Variants in CLASP2 observed in about 807,000 individuals in gnomAD.
CLASP2 encodes the protein cytoplasmic linker associated protein 2.
In CLASP2, 47 loss-of-function variants were observed where a neutral mutation model predicts 194.4. The observed-to-expected ratio is 0.24, with a 90% confidence interval of 0.19 to 0.31. The LOEUF is 0.31. Among genes scored for constraint, CLASP2 ranks in the 10% least tolerant of loss-of-function variants. The pLI is 1.00. For synonymous variants in CLASP2, 619 were observed against 633.5 expected (o/e 0.98, Z 0.34); for missense variants, 1,445 against 1,823.6 (o/e 0.79, Z 3.78).
chr3:33,589,628 T>A (rs1295697825), intron 21 of CLASP2, among the ~76,000 whole-genome samples: 1 of 152,126 alleles, frequency 6.6e-6, no homozygotes, highest in Non-Finnish European at 1.5e-5. Context: ...GGGAAAGTCT[T>A]CTAATCTTAA....
chr3:33,714,017 A>G (rs1399746005), intron 1 of CLASP2, among the ~76,000 whole-genome samples: 2 of 152,176 alleles, frequency 1.3e-5, no homozygotes, highest in African/African-American at 2.4e-5. Flanking sequence ...TCACTAATTT[A>G]CCAGGTCTAT....
At chr3:33,616,413 G>A (rs2154271359) in intron 12 of CLASP2, among the ~76,000 whole-genome samples, 1 of 152,120 alleles carries the variant, frequency 6.6e-6, no homozygotes, top group Non-Finnish European at 1.5e-5. Context: ...TTAAATGAAT[G>A]CCAAAATCTT....
At chr3:33,708,998 G>A (rs910292090) in intron 1 of CLASP2, among the ~76,000 whole-genome samples, 2 of 152,110 alleles carry the variant, frequency 1.3e-5, no homozygotes, top group Non-Finnish European at 2.9e-5. Context: ...ATACGTTTTG[G>A]ATATTAAACC....
Position 33,644,867 on chromosome 3 carries a change from T to C in CLASP2, c.752A>G (p.Asn251Ser). 6.2e-7 allele frequency: 1 copy of C among 1,607,168 alleles called. No homozygotes were observed. The highest frequency in any genetic ancestry group is 8.5e-7 in the Non-Finnish European group (1 of 1,176,354). Residue 251 changes from asparagine (N) to serine (S), a missense_variant, in exon 8 of 39, where the codon AAT becomes AGT. This residue lies in a region of CLASP2 where 332 missense variants were observed against 325.3 expected (regional missense o/e 1.02). Transcript: ENST00000682230. ...SFDDEESVDG[N>S]RPSSAASAFK... The stretch of plus-strand genomic sequence containing the variant: ...GGCTGATGCAGCTGATGATGGCCTA[T>C]TTCCATCCACTGATTCTTCATCATC...
At chr3:33,540,970 G>C (rs1472562974) in intron 32 of CLASP2, among the ~76,000 whole-genome samples, 3 of 151,818 alleles carry the variant, frequency 2.0e-5, no homozygotes, top group Non-Finnish European at 2.9e-5. Flanking sequence ...ATGGGGTTTT[G>C]CCATGTTGGT....
chr3:33,624,433 T>C (rs2077640200), intron 10 of CLASP2, among the ~76,000 whole-genome samples: 1 of 151,996 alleles, frequency 6.6e-6, no homozygotes, highest in South Asian at 2.1e-4. Flanking sequence ...TATGGTAGGA[T>C]AAAATTACCT....
At chr3:33,604,961 C>T (rs1302567747) in intron 16 of CLASP2, among the ~76,000 whole-genome samples, 3 of 152,184 alleles carry the variant, frequency 2.0e-5, no homozygotes, top group Admixed American at 6.5e-5. Context: ...TTGTAATGTC[C>T]GTGTAATGTT....
chr3:33,691,538 G>C (rs1313625903), intron 2 of CLASP2, among the ~76,000 whole-genome samples: 1 of 152,094 alleles, frequency 6.6e-6, no homozygotes, highest in Non-Finnish European at 1.5e-5. Context: ...CTCAACATAA[G>C]AATCATAAGT....
intron 12 of CLASP2, among the ~76,000 whole-genome samples, chr3:33,617,936 T>TAC (rs1488254617): frequency 9.7e-4 from 117 of 120,538 alleles, no homozygotes; most frequent in Non-Finnish European, 1.6e-3. Context: ...ATTATTATTA[T>TAC]ATATATATAT....
At chr3:33,674,923 G>T (rs377268431) in intron 6 of CLASP2, among the ~76,000 whole-genome samples, 5 of 152,148 alleles carry the variant, frequency 3.3e-5, no homozygotes, top group East Asian at 1.9e-4. Context: ...AATAACAGGA[G>T]CTGAAATTGT....
At chr3:33,715,530 C>T (rs1482684370) in intron 1 of CLASP2, among the ~76,000 whole-genome samples, 2 of 152,048 alleles carry the variant, frequency 1.3e-5, no homozygotes, top group Non-Finnish European at 2.9e-5. Context: ...CACATTGTAT[C>T]TGCAATGCCT....
At chr3:33,591,389 G>T (rs534767701) in intron 21 of CLASP2, among the ~76,000 whole-genome samples, 49 of 152,308 alleles carry the variant, frequency 3.2e-4, no homozygotes, top group Non-Finnish European at 6.0e-4. Context: ...GAGGTGGGAG[G>T]ATTGCGTGAG....
chr3:33,586,852 G>T (rs1307018441), intron 21 of CLASP2, among the ~76,000 whole-genome samples: 1 of 152,068 alleles, frequency 6.6e-6, no homozygotes, highest in Non-Finnish European at 1.5e-5. Flanking sequence ...AATGGGACAA[G>T]CACAGGATGT....
chr3:33,641,903 G>C (rs1296472777), intron 8 of CLASP2, among the ~76,000 whole-genome samples: 1 of 151,678 alleles, frequency 6.6e-6, no homozygotes, highest in African/African-American at 2.4e-5. Context: ...ATATACCTCG[G>C]AGTAGCAAAT....
intron 7 of CLASP2, among the ~76,000 whole-genome samples, chr3:33,646,644 A>G (rs2082329118): frequency 6.6e-6 from 1 of 152,222 alleles, no homozygotes; most frequent in Admixed American, 6.5e-5. Flanking sequence ...CAAGAATTGA[A>G]AAGAGTAAAT....
intron 5 of CLASP2, among the ~76,000 whole-genome samples, 189 bp downstream of exon 5, chr3:33,686,871 C>T (rs1253287886): frequency 6.6e-6 from 1 of 152,096 alleles, no homozygotes; most frequent in Admixed American, 6.6e-5. Context: ...AACTGACAAA[C>T]ATAAGCAACT....
At chr3:33,543,406 C>A (rs2058686179) in intron 32 of CLASP2, 27 bp downstream of exon 32, 3 of 1,359,638 alleles carry the variant, frequency 2.2e-6, no homozygotes. Flanking sequence ...AAATACAAAC[C>A]ATCATGAAAA....
Position 33,568,553 on chromosome 3 carries a change from C to CAAAAAAAAAAAAAAAAAAAAAAAAAA in CLASP2, c.2764-1820_2764-1819insTTTTTTTTTTTTTTTTTTTTTTTTTT, listed in dbSNP as rs568821764. ...TGGGTGACAGAAAGAGATCTTGTCT[C>CAAAAAAAAAAAAAAAAAAAAAAAAAA]AAAAAAAAAAAAAAAAAAAAAATTA... On this transcript the variant is annotated intron_variant, in intron 26 of 38. Transcript: ENST00000682230. Among the ~76,000 whole-genome samples, 55 of 56,814 alleles carry CAAAAAAAAAAAAAAAAAAAAAAAAAA rather than the reference C, an allele frequency of 9.7e-4. 2 individuals carry two copies. The highest frequency in any genetic ancestry group is 4.1e-3 in the Admixed American group (15 of 3,676). 37.3% of individuals were successfully genotyped at this position (56,814 alleles called of 152,430 possible).
chr3:33,516,709 T>C (rs2051416872), intron 35 of CLASP2, among the ~76,000 whole-genome samples: 1 of 152,008 alleles, frequency 6.6e-6, no homozygotes, highest in Non-Finnish European at 1.5e-5. Flanking sequence ...TAAAAGTTGC[T>C]CCTGAACAAC....
Sources: allele counts gnomAD v4.1 joint callset (sites outside exome capture counted in the v4.1 genomes callset), GRCh38; gene constraint gnomAD v4.1.1; regional missense constraint gnomAD v4.1.1; transcripts MANE v1.5; gene names NCBI Gene and HGNC (gene_info 2026-07-23, HGNC 2026-07-21).